LTBP1: variants seen among roughly 807,000 people sequenced by gnomAD.
The protein encoded by LTBP1 is latent-transforming growth factor beta-binding protein 1.
Under a neutral mutation model 207.6 loss-of-function variants are expected in LTBP1, and 129 were observed. The observed-to-expected ratio is 0.62, with a 90% CI of 0.54 to 0.72. The LOEUF (loss-of-function observed/expected upper bound fraction) is 0.72, where lower values mean the gene tolerates loss of function less well. LTBP1 is among the 30% of genes least tolerant of loss of function. The pLI, the probability that LTBP1 is intolerant of heterozygous loss-of-function variation, is 0.00. For missense variants in LTBP1, 2,281 were observed against 2,217.2 expected (o/e 1.03, Z -0.58); for synonymous variants, 963 against 833.7 (o/e 1.16, Z -2.67).
chr2:33,355,014 C>T (rs1179865450), intron 26 of LTBP1, among the ~76,000 whole-genome samples: 1 of 152,154 alleles, frequency 6.6e-6, no homozygotes, highest in Non-Finnish European at 1.5e-5. Context: ...ATTAGAAATG[C>T]ATTTTGGATC....
At chr2:33,147,751 G>T (rs961835312) in intron 5 of LTBP1, among the ~76,000 whole-genome samples, 3 of 152,310 alleles carry the variant, frequency 2.0e-5, no homozygotes, top group African/African-American at 7.2e-5. Context: ...AATGCCGGGA[G>T]GGCAGGCTGC....
chr2:33,204,876 CAG>C (rs2089710366), intron 7 of LTBP1, among the ~76,000 whole-genome samples: 1 of 152,252 alleles, frequency 6.6e-6, no homozygotes, highest in South Asian at 2.1e-4. Flanking sequence ...ATTTGAGGCT[CAG>C]AGATTGGGAC....
At chr2:33,078,070 G>T (rs1426023637) in intron 3 of LTBP1, among the ~76,000 whole-genome samples, 41 of 152,122 alleles carry the variant, frequency 2.7e-4, no homozygotes, top group Admixed American at 2.6e-3. Context: ...CTGGAGGAAG[G>T]TCACATCTAG....
chr2:33,262,908 A>G, intron 14 of LTBP1, 87 bp downstream of exon 14: 1 of 827,118 alleles, frequency 1.2e-6, no homozygotes, highest in South Asian at 1.8e-5. Context: ...TTTGTGTAGT[A>G]AATTACTAGA....
intron 4 of LTBP1, among the ~76,000 whole-genome samples, chr2:33,115,131 C>T (rs1048334332): frequency 1.5e-5 from 2 of 136,230 alleles, no homozygotes; most frequent in African/African-American, 7.3e-5. Flanking sequence ...TATATATACA[C>T]ACACACACAC....
intron 22 of LTBP1, among the ~76,000 whole-genome samples, chr2:33,304,362 G>A (rs2094049936): frequency 6.6e-6 from 1 of 152,168 alleles, no homozygotes; most frequent in Non-Finnish European, 1.5e-5. Flanking sequence ...AACCGTGACT[G>A]TTCACACGCC....
intron 7 of LTBP1, among the ~76,000 whole-genome samples, chr2:33,203,826 T>A (rs900560165): frequency 2.0e-5 from 3 of 152,214 alleles, no homozygotes; most frequent in Non-Finnish European, 4.4e-5. Flanking sequence ...CTTCTGATAT[T>A]GGCAAAGTGG....
chr2:33,250,120 G>A (rs1197473992), intron 10 of LTBP1, among the ~76,000 whole-genome samples: 1 of 152,178 alleles, frequency 6.6e-6, no homozygotes, highest in Non-Finnish European at 1.5e-5. Context: ...ATTGACCGGA[G>A]TGTGAAAATA....
At chr2:32,985,928 AC>A (rs1683491050) in intron 2 of LTBP1, among the ~76,000 whole-genome samples, 1 of 151,312 alleles carries the variant, frequency 6.6e-6, no homozygotes, top group Admixed American at 6.6e-5. Context: ...CCCTTCTCAC[AC>A]CTATAAGCTT....
intron 3 of LTBP1, among the ~76,000 whole-genome samples, chr2:33,037,764 C>G (rs952927128): frequency 3.9e-5 from 6 of 152,194 alleles, no homozygotes. Flanking sequence ...GTCGCTCAGG[C>G]TAGAGTGCCG....
intron 2 of LTBP1, among the ~76,000 whole-genome samples, chr2:32,952,532 T>C (rs1677309265): frequency 1.3e-5 from 2 of 152,246 alleles, no homozygotes; most frequent in Admixed American, 1.3e-4. Context: ...ATTTGTGCTC[T>C]TTCCAAGGAA....
intron 2 of LTBP1, among the ~76,000 whole-genome samples, chr2:32,950,555 A>T (rs1007857434): frequency 2.1e-4 from 2 of 9,564 alleles, no homozygotes; most frequent in Non-Finnish European, 7.9e-4. Context: ...ACTCTGTCTC[A>T]AAAAAAAAAA....
At chr2:33,176,257 C>T (rs182135901) in intron 5 of LTBP1, among the ~76,000 whole-genome samples, 137 of 152,220 alleles carry the variant, frequency 9.0e-4, no homozygotes, top group African/African-American at 3.2e-3. Context: ...GATGGAGTCT[C>T]GCTCTGTCGC....
chr2:33,229,519 A>G (rs2091665544), intron 9 of LTBP1, among the ~76,000 whole-genome samples: 1 of 152,140 alleles, frequency 6.6e-6, no homozygotes, highest in South Asian at 2.1e-4. Flanking sequence ...ACGGAGGGAG[A>G]GAAAGTTGTA....
chr2:33,177,149 A>G (rs760840215), intron 5 of LTBP1, among the ~76,000 whole-genome samples: 3 of 152,294 alleles, frequency 2.0e-5, no homozygotes, highest in East Asian at 1.9e-4. Context: ...CTTAATGTCT[A>G]TGCTCTGTAT....
intron 5 of LTBP1, among the ~76,000 whole-genome samples, chr2:33,164,563 C>A (rs940861364): frequency 3.9e-5 from 6 of 151,910 alleles, no homozygotes; most frequent in Non-Finnish European, 5.9e-5. Flanking sequence ...GCAAGATCTA[C>A]AAATAAATAT....
At chr2:33,183,274 A>G (rs2086858721) in intron 5 of LTBP1, among the ~76,000 whole-genome samples, 2 of 152,062 alleles carry the variant, frequency 1.3e-5, no homozygotes, top group Non-Finnish European at 2.9e-5. Flanking sequence ...TTGTTGGCTC[A>G]TACTGTCTTT....
chr2:33,389,119 G>A, intron 31 of LTBP1, 65 bp from the exon 32 acceptor site: 1 of 1,606,954 alleles, frequency 6.2e-7, no homozygotes, highest in Non-Finnish European at 8.5e-7. Flanking sequence ...GCTCTGAGCT[G>A]CGAGGGGGTG....
intron 5 of LTBP1, among the ~76,000 whole-genome samples, chr2:33,154,165 C>T (rs2083766841): frequency 6.6e-6 from 1 of 152,120 alleles, no homozygotes; most frequent in African/African-American, 2.4e-5. Flanking sequence ...CTGACTGGCC[C>T]TTGACTCATA....
Sources: allele counts gnomAD v4.1 joint callset (sites outside exome capture counted in the v4.1 genomes callset), GRCh38; gene constraint gnomAD v4.1.1; transcripts MANE v1.5; gene names NCBI Gene and HGNC (gene_info 2026-07-23, HGNC 2026-07-21).